Variants in TENM4 observed in about 807,000 individuals in gnomAD.
The protein encoded by TENM4 is teneurin transmembrane protein 4, also known as teneurin-4.
TENM4 carries 82 observed loss-of-function variants against 243.3 expected under a neutral mutation model. The observed-to-expected ratio is 0.34, with a 90% confidence interval of 0.28 to 0.40. The LOEUF is 0.40. Among genes scored for constraint, TENM4 ranks in the 10% least tolerant of loss-of-function variants. TENM4 has a pLI of 1.00. For missense variants in TENM4, 3,138 were observed against 3,673.3 expected (o/e 0.85, Z 3.77); for synonymous variants, 1,412 against 1,456.3 (o/e 0.97, Z 0.69).
At chr11:79,389,345 A>G (rs1276154441) in intron 1 of TENM4, among the ~76,000 whole-genome samples, 1 of 152,002 alleles carries the variant, frequency 6.6e-6, no homozygotes, top group Non-Finnish European at 1.5e-5. Context: ...TTTTGTAGAC[A>G]AGGGTCTTGC....
chr11:79,333,763 T>C (rs1857101649), intron 1 of TENM4, among the ~76,000 whole-genome samples: 3 of 152,252 alleles, frequency 2.0e-5, no homozygotes, highest in Non-Finnish European at 2.9e-5. Context: ...ATCAACATCT[T>C]ACATTTTGTA....
At chr11:79,400,040 T>G (rs1858424155) in intron 1 of TENM4, among the ~76,000 whole-genome samples, 1 of 151,342 alleles carries the variant, frequency 6.6e-6, no homozygotes, top group Admixed American at 6.6e-5. Context: ...GAATAAATAT[T>G]TGTTGATTGA....
intron 12 of TENM4, among the ~76,000 whole-genome samples, chr11:78,853,100 T>C (rs1268073376): frequency 6.6e-6 from 1 of 151,886 alleles, no homozygotes; most frequent in Non-Finnish European, 1.5e-5. Flanking sequence ...GTCAGAGAGA[T>C]TCCTAGCCAA....
intron 6 of TENM4, among the ~76,000 whole-genome samples, chr11:78,929,157 C>G (rs1856617155): frequency 3.9e-5 from 6 of 152,308 alleles, no homozygotes; most frequent in Middle Eastern, 3.4e-3. Flanking sequence ...GCCTATAAAT[C>G]TGGACCCATC....
intron 6 of TENM4, among the ~76,000 whole-genome samples, chr11:78,987,308 T>TAA (rs111917957): frequency 2.0e-5 from 3 of 151,556 alleles, no homozygotes; most frequent in African/African-American, 7.3e-5. Context: ...TCACAGCAAT[T>TAA]AAAAAAAAAC....
At chr11:79,164,947 C>CTA (rs59917804) in intron 3 of TENM4, among the ~76,000 whole-genome samples, 3,971 of 138,498 alleles carry the variant, frequency 0.029, 75 homozygotes, top group African/African-American at 0.045. Context: ...TGGACTAATA[C>CTA]TATATATATA....
chr11:78,960,250 C>A (rs1857289537), intron 6 of TENM4, among the ~76,000 whole-genome samples: 1 of 151,826 alleles, frequency 6.6e-6, no homozygotes, highest in Admixed American at 6.6e-5. Context: ...AACAAGCCCA[C>A]CCCAGGGAGC....
At chr11:79,401,396 G>A (rs963759337) in intron 1 of TENM4, among the ~76,000 whole-genome samples, 7 of 152,136 alleles carry the variant, frequency 4.6e-5, no homozygotes, top group African/African-American at 1.4e-4. Flanking sequence ...GTCTAACCCC[G>A]GAGCCTCAGA....
chr11:79,339,207 G>A (rs1857202546), intron 1 of TENM4, among the ~76,000 whole-genome samples: 1 of 152,158 alleles, frequency 6.6e-6, no homozygotes, highest in Non-Finnish European at 1.5e-5. Flanking sequence ...AAGAACAACA[G>A]AATCAATAGG....
rs147184104 is a variant in TENM4 at position 78,862,429 on chromosome 11, T to C, written c.1255+533A>G. On this transcript the variant is annotated intron_variant, in intron 10 of 33. Coordinates refer to ENST00000278550, the MANE Select transcript of TENM4 (RefSeq NM_001098816.3). ...AACAAACATGCTGTACGAACACTAATGATTATTGTTATTATTGCGGATGCG... is the reference window on the plus strand; with the variant it reads ...AACAAACATGCTGTACGAACACTAACGATTATTGTTATTATTGCGGATGCG... Among the ~76,000 whole-genome samples the C allele has an allele frequency of 7.7e-3, 1,169 of 152,304 alleles. 8 individuals are homozygous for C. The highest frequency in any genetic ancestry group is 0.027 in the African/African-American group (1,123 of 41,556).
Position 79,064,822 on chromosome 11 carries a change from G to A in TENM4, c.409C>T (p.Arg137Trp), listed in dbSNP as rs1225850519. The change falls in exon 6 of 34, where the codon CGG (arginine) becomes TGG (tryptophan). Residue 137 changes from arginine to tryptophan, a missense_variant. Arg to Trp is a moderately radical substitution (Grantham distance 101). Transcript: ENST00000278550. ...GACAGGCAGGAGCTGCGCCCTGACC[G>A]TGTGCTCCGGCCCCACAGACGCACG... ...HPVRLWGRST[R>W]SGRSSCLSSR... is the part of the protein sequence containing the mutation. The A allele has an allele frequency of 1.0e-5, 16 of 1,551,356 alleles. No individual in the cohort carries two copies. The highest frequency in any genetic ancestry group is 9.8e-5 in the Admixed American group (5 of 50,994).
intron 4 of TENM4, among the ~76,000 whole-genome samples, chr11:79,090,842 G>C (rs1441645770): frequency 6.6e-6 from 1 of 152,176 alleles, no homozygotes; most frequent in Admixed American, 6.5e-5. Context: ...TGCCAAGATG[G>C]GTCTTTTATG....
intron 2 of TENM4, among the ~76,000 whole-genome samples, chr11:79,263,849 T>C (rs956351160): frequency 3.3e-5 from 5 of 152,226 alleles, no homozygotes; most frequent in African/African-American, 1.2e-4. Context: ...CTCCAGTTTA[T>C]TGAAATCTGT....
At chr11:79,060,843 G>T (rs1199105634) in intron 6 of TENM4, among the ~76,000 whole-genome samples, 1 of 152,192 alleles carries the variant, frequency 6.6e-6, no homozygotes, top group African/African-American at 2.4e-5. Flanking sequence ...TGCTGCCTTT[G>T]CTCTACCCCT....
At chr11:79,038,803 T>C (rs565860679) in intron 6 of TENM4, among the ~76,000 whole-genome samples, 32 of 152,290 alleles carry the variant, frequency 2.1e-4, no homozygotes, top group Admixed American at 7.2e-4. Flanking sequence ...GAGTTTAACT[T>C]GGCAGGTAGG....
In TENM4 at chr11:78,880,470, A is replaced by G. The variant is rs974252928; in HGVS notation, c.1084+9315T>C. Among the ~76,000 whole-genome samples, 17 of 44,284 alleles carry G rather than the reference A, an allele frequency of 3.8e-4. 3 individuals are homozygous for G. Among genetic ancestry groups the G allele is most frequent in the South Asian group, 2.3e-3 (1 of 434 alleles). 29.1% of individuals were successfully genotyped at this position (44,284 alleles called of 152,430 possible). The stretch of plus-strand genomic sequence containing the variant: ...ATCAATAAATACTAAAAAAAAAAAA[A>G]AAAAAAAAAAAAAAAAAAAGAAAGA... On this transcript the variant is annotated intron_variant, in intron 9 of 33. Transcript: ENST00000278550.
intron 6 of TENM4, among the ~76,000 whole-genome samples, chr11:79,037,566 T>A (rs1859419478): frequency 6.6e-6 from 1 of 152,254 alleles, no homozygotes. Context: ...TTCATTTTTT[T>A]AAGCTGTTGG....
At chr11:78,926,671 T>C (rs1309061657) in intron 6 of TENM4, among the ~76,000 whole-genome samples, 1 of 135,168 alleles carries the variant, frequency 7.4e-6, no homozygotes, top group Non-Finnish European at 1.6e-5. Flanking sequence ...AATAAAGGTG[T>C]TTTTTGTTTT....
intron 2 of TENM4, among the ~76,000 whole-genome samples, chr11:79,264,641 C>T (rs1313443016): frequency 6.6e-6 from 1 of 152,116 alleles, no homozygotes; most frequent in Admixed American, 6.5e-5. Flanking sequence ...CCAGCCCAAA[C>T]AAACAAAATC....
Sources: gnomAD v4.1 joint callset for allele counts (sites outside exome capture counted in the v4.1 genomes callset) on GRCh38, gnomAD v4.1.1 for gene constraint, MANE v1.5 for transcripts, NCBI Gene and HGNC (gene_info 2026-07-23, HGNC 2026-07-21) for gene names.